The following SEMA3C variants were observed in gnomAD, a reference collection of about 807,000 sequenced individuals.
SEMA3C encodes semaphorin 3C.
A neutral mutation model predicts 89.4 loss-of-function variants in SEMA3C; 47 were observed. The ratio of observed to expected loss-of-function variants is 0.53; its 90% CI spans 0.42 to 0.67. The LOEUF (loss-of-function observed/expected upper bound fraction) is 0.67, where lower values mean the gene tolerates loss of function less well. Among genes scored for constraint, SEMA3C ranks in the 30% least tolerant of loss-of-function variants. SEMA3C has a pLI of 0.00. For missense variants in SEMA3C, 839 were observed against 929.1 expected (o/e 0.90, Z 1.26); for synonymous variants, 310 against 320.2 (o/e 0.97, Z 0.34).
In SEMA3C at chr7:80,744,281, G is replaced by C. The variant is rs1319246660; in HGVS notation, c.*613C>G. 6.6e-6 allele frequency: 1 copy of C among 152,216 alleles called. No homozygotes were observed. Among genetic ancestry groups the C allele is most frequent in the Non-Finnish European group, 1.5e-5 (1 of 68,222 alleles). The allele number at this position is 152,216 out of a possible 1,614,324, so 9.4% of individuals were successfully genotyped here. The stretch of plus-strand genomic sequence containing the variant: ...TTATCTTCCTGAATAAGGAAACAAA[G>C]GTCAGTGACAGATACCAGTAACTGA... On this transcript the variant is annotated 3_prime_UTR_variant, in exon 18 of 18. Transcript: ENST00000265361.
chr7:80,762,112 A>G (rs1583852904), intron 13 of SEMA3C, among the ~76,000 whole-genome samples: 1 of 151,614 alleles, frequency 6.6e-6, no homozygotes, highest in Non-Finnish European at 1.5e-5. Context: ...AAAAAAAAAA[A>G]AAGAGTGGTA....
At chr7:80,758,281 A>G in intron 15 of SEMA3C, 50 bp downstream of exon 15, 1 of 1,568,390 alleles carries the variant, frequency 6.4e-7, no homozygotes, top group Non-Finnish European at 8.7e-7. Context: ...ACACTTCTGT[A>G]TTGTCTGGTG....
chr7:80,765,973 G>T (rs1366515422), intron 12 of SEMA3C, among the ~76,000 whole-genome samples: 1 of 152,102 alleles, frequency 6.6e-6, no homozygotes, highest in African/African-American at 2.4e-5. Flanking sequence ...TTAAAACAAT[G>T]ATTTCATTAT....
chr7:80,788,280 T>C (rs994593691), intron 12 of SEMA3C, among the ~76,000 whole-genome samples: 10 of 152,194 alleles, frequency 6.6e-5, no homozygotes, highest in Admixed American at 2.6e-4. Flanking sequence ...AAGACGTTAT[T>C]GTAAAGAGTG....
chr7:80,812,649 A>T (rs73139708), intron 5 of SEMA3C, among the ~76,000 whole-genome samples: 24,833 of 152,068 alleles, frequency 0.16, 2,195 homozygotes, highest in Non-Finnish European at 0.2. Context: ...CCAGGAGCAG[A>T]TGTGGTCTAC....
At chr7:80,857,386 A>G (rs973566930) in intron 2 of SEMA3C, among the ~76,000 whole-genome samples, 3 of 152,312 alleles carry the variant, frequency 2.0e-5, no homozygotes, top group Middle Eastern at 3.4e-3. Context: ...GTTAAAATAA[A>G]GTTTTAAAAA....
intron 16 of SEMA3C, among the ~76,000 whole-genome samples, chr7:80,749,238 GT>G (rs977547426): frequency 1.4e-4 from 22 of 152,222 alleles, no homozygotes; most frequent in African/African-American, 5.3e-4. Flanking sequence ...AGGAAAGACT[GT>G]GAATTAAGGC....
At chr7:80,915,055 G>C (rs1792236723) in intron 2 of SEMA3C, among the ~76,000 whole-genome samples, 1 of 152,160 alleles carries the variant, frequency 6.6e-6, no homozygotes, top group African/African-American at 2.4e-5. Flanking sequence ...AGCAGGTAGA[G>C]ACATCTAATC....
intron 2 of SEMA3C, among the ~76,000 whole-genome samples, chr7:80,864,007 G>A (rs76813335): frequency 0.12 from 17,515 of 145,656 alleles, 1,713 homozygotes; most frequent in African/African-American, 0.26. Context: ...CATATATATC[G>A]CATGTATATC....
intron 12 of SEMA3C, among the ~76,000 whole-genome samples, chr7:80,783,168 G>A (rs1788727565): frequency 6.6e-6 from 1 of 152,018 alleles, no homozygotes; most frequent in Non-Finnish European, 1.5e-5. Context: ...TCAGCAATGA[G>A]CTGTATTTTT....
chr7:80,753,790 A>AT (rs1184668819), intron 15 of SEMA3C, among the ~76,000 whole-genome samples: 1 of 152,234 alleles, frequency 6.6e-6, no homozygotes, highest in East Asian at 1.9e-4. Flanking sequence ...TTGTCTTAAT[A>AT]AAGTTTCTAA....
At chr7:80,871,599 G>C (rs1791060164) in intron 2 of SEMA3C, among the ~76,000 whole-genome samples, 2 of 152,128 alleles carry the variant, frequency 1.3e-5, no homozygotes, top group African/African-American at 4.8e-5. Flanking sequence ...CGATCACCTT[G>C]AGCAGTAGGA....
chr7:80,899,362 A>G (rs1791819495), intron 2 of SEMA3C, among the ~76,000 whole-genome samples: 1 of 152,124 alleles, frequency 6.6e-6, no homozygotes, highest in Non-Finnish European at 1.5e-5. Flanking sequence ...TTTCGTAACA[A>G]ATATGTTCGT....
intron 2 of SEMA3C, among the ~76,000 whole-genome samples, chr7:80,899,046 A>AT (rs947864930): frequency 2.0e-5 from 3 of 151,684 alleles, no homozygotes; most frequent in East Asian, 1.9e-4. Flanking sequence ...CTTTATCAAC[A>AT]TTTTTTTTGT....
chr7:80,902,203 T>C (rs368515220), intron 2 of SEMA3C, among the ~76,000 whole-genome samples: 1 of 152,192 alleles, frequency 6.6e-6, no homozygotes, highest in Admixed American at 6.5e-5. Context: ...TCTGCCCACC[T>C]TGGCCTCTCA....
chr7:80,865,652 G>A (rs1406704605), intron 2 of SEMA3C, among the ~76,000 whole-genome samples: 2 of 152,028 alleles, frequency 1.3e-5, no homozygotes, highest in African/African-American at 2.4e-5. Flanking sequence ...AAAATTAGCC[G>A]GGTGTGGTAG....
rs768278835 is a variant in SEMA3C at position 80,802,655 on chromosome 7, A to G, written c.916+10T>C. On this transcript the variant is annotated intron_variant, in intron 9 of 17. Transcript: ENST00000265361. ...TTTCAGAAGCATTTTTCAATCTCAT[A>G]TGTATGTACCTAATTCATCAAAGTG... 1 of 1,580,094 alleles carries G rather than the reference A, an allele frequency of 6.3e-7. No individual in the cohort carries two copies. The highest frequency in any genetic ancestry group is 8.7e-7 in the Non-Finnish European group (1 of 1,149,656).
At chr7:80,861,682 T>A (rs1237191904) in intron 2 of SEMA3C, among the ~76,000 whole-genome samples, 1 of 152,162 alleles carries the variant, frequency 6.6e-6, no homozygotes, top group Non-Finnish European at 1.5e-5. Flanking sequence ...CAAAGAATAT[T>A]TTTGCGTAAG....
At chr7:80,918,157 T>A (rs1193558431) in intron 1 of SEMA3C, 1 of 152,212 alleles carries the variant, frequency 6.6e-6, no homozygotes, top group Non-Finnish European at 1.5e-5. Context: ...TATGGGTGAC[T>A]TTCCCTCAGT....
Sources: allele counts gnomAD v4.1 joint callset (sites outside exome capture counted in the v4.1 genomes callset), GRCh38; gene constraint gnomAD v4.1.1; transcripts MANE v1.5; gene names NCBI Gene and HGNC (gene_info 2026-07-23, HGNC 2026-07-21).